Variants in PRKN observed in about 807,000 individuals in gnomAD.
PRKN encodes the protein E3 ubiquitin-protein ligase parkin.
In PRKN, 56 loss-of-function variants were observed where a neutral mutation model predicts 59.5. The ratio of observed to expected loss-of-function variants is 0.94; its 90% CI spans 0.76 to 1.18. PRKN has a LOEUF of 1.18. PRKN is among the 50% of genes most tolerant of loss of function. The pLI, the probability that PRKN is intolerant of heterozygous loss-of-function variation, is 0.00. For missense variants in PRKN, 657 were observed against 596.4 expected (o/e 1.10, Z -1.06); for synonymous variants, 250 against 222.1 (o/e 1.13, Z -1.12).
At chr6:161,563,765 G>C (rs909004832) in intron 8 of PRKN, among the ~76,000 whole-genome samples, 1 of 152,248 alleles carries the variant, frequency 6.6e-6, no homozygotes, top group East Asian at 1.9e-4. Flanking sequence ...TCTGCTGTGG[G>C]TCTCTGCCAT....
intron 2 of PRKN, among the ~76,000 whole-genome samples, chr6:162,292,910 G>C (rs1222960431): frequency 9.2e-5 from 14 of 152,130 alleles, no homozygotes; most frequent in Non-Finnish European, 1.5e-5. Flanking sequence ...AATACTGTAG[G>C]TATGGCCCCA....
At chr6:161,987,295 A>G (rs543082900) in intron 5 of PRKN, among the ~76,000 whole-genome samples, 1 of 152,236 alleles carries the variant, frequency 6.6e-6, no homozygotes, top group East Asian at 1.9e-4. Context: ...TTCTTTTAAC[A>G]TGCCAGTACA....
intron 6 of PRKN, among the ~76,000 whole-genome samples, chr6:161,966,037 A>T (rs918987133): frequency 6.6e-6 from 1 of 152,064 alleles, no homozygotes; most frequent in African/African-American, 2.4e-5. Context: ...CTATAAACAG[A>T]TGCAAATTTT....
intron 7 of PRKN, among the ~76,000 whole-genome samples, chr6:161,762,882 A>G (rs1427483783): frequency 2.6e-5 from 4 of 152,198 alleles, no homozygotes. Flanking sequence ...AACATTCTAG[A>G]AAGGATCTGA....
chr6:161,685,334 A>G (rs1443688753), intron 7 of PRKN, among the ~76,000 whole-genome samples: 4 of 152,220 alleles, frequency 2.6e-5, no homozygotes, highest in African/African-American at 9.6e-5. Context: ...GACCCATCGC[A>G]TGATTTCTCC....
At chr6:161,815,705 G>T (rs918047437) in intron 6 of PRKN, among the ~76,000 whole-genome samples, 15 of 152,316 alleles carry the variant, frequency 9.8e-5, no homozygotes, top group African/African-American at 3.6e-4. Context: ...GCCAGGCCCT[G>T]GTTCAGGGAG....
chr6:162,096,775 C>CT (rs36192490), intron 4 of PRKN, among the ~76,000 whole-genome samples: 72,401 of 143,108 alleles, frequency 0.51, 18,504 homozygotes, highest in East Asian at 0.75. Flanking sequence ...CATTTAACCT[C>CT]TTTTTTTTTT....
rs368404684 is a variant in PRKN at position 161,457,901 on chromosome 6, C to T, written c.1084-71024G>A. On this transcript the variant is annotated intron_variant, in intron 9 of 11. Transcript: ENST00000366898. This position sits in a 1 kb window ranked among gnomAD's most constrained non-coding sequence, Gnocchi z 5.0. ...CCTTTGTAGTTTTTTGGGAAAAGGACGCCAATAATCAAAAGACCTGCAGAA... is the reference window on the plus strand; with the variant it reads ...CCTTTGTAGTTTTTTGGGAAAAGGATGCCAATAATCAAAAGACCTGCAGAA... Among the ~76,000 whole-genome samples, 7 of 152,230 alleles carry T rather than the reference C, an allele frequency of 4.6e-5. No individual in the cohort carries two copies. The highest frequency in any genetic ancestry group is 2.1e-4 in the South Asian group (1 of 4,818).
intron 7 of PRKN, among the ~76,000 whole-genome samples, chr6:161,765,189 T>A (rs889584571): frequency 1.3e-5 from 2 of 152,334 alleles, no homozygotes; most frequent in Non-Finnish European, 1.5e-5. Context: ...TATAAACACA[T>A]CATATATTAC....
chr6:162,054,388 T>C (rs1047209996), intron 4 of PRKN, among the ~76,000 whole-genome samples: 2 of 152,212 alleles, frequency 1.3e-5, no homozygotes, highest in African/African-American at 2.4e-5. Flanking sequence ...AGACGATATT[T>C]GACATTTTGC....
At chr6:162,280,259 T>G (rs1000680894) in intron 2 of PRKN, among the ~76,000 whole-genome samples, 1 of 152,172 alleles carries the variant, frequency 6.6e-6, no homozygotes, top group Admixed American at 6.5e-5. Flanking sequence ...TTCTGGAAAC[T>G]GAACAACCTG....
chr6:161,958,526 ACT>A lies in PRKN; in HGVS notation c.734+14774_734+14775del, dbSNP rs1302228178. Among the ~76,000 whole-genome samples the A allele has an allele frequency of 8.5e-5, 13 of 152,186 alleles. No homozygotes were observed. In the South Asian group the frequency reaches 1.5e-3, roughly 17 times the overall value. On this transcript the variant is annotated intron_variant, in intron 6 of 11. Transcript: ENST00000366898. ...GTAAAAAATAATAATAATAATTAAAACTCTGTTTTTTCTTTGCAGTTGTTTTC... is the reference window on the plus strand; with the variant it reads ...GTAAAAAATAATAATAATAATTAAAACTGTTTTTTCTTTGCAGTTGTTTTC...
chr6:161,779,214 A>T (rs962808778), intron 7 of PRKN, among the ~76,000 whole-genome samples: 4 of 152,060 alleles, frequency 2.6e-5, no homozygotes, highest in Non-Finnish European at 5.9e-5. Flanking sequence ...TGCTGGGATT[A>T]TAGGCATGAG....
At chr6:162,553,981 G>A (rs1432746607) in intron 1 of PRKN, among the ~76,000 whole-genome samples, 6 of 152,118 alleles carry the variant, frequency 3.9e-5, no homozygotes, top group East Asian at 1.9e-4. Context: ...AGGGACTCCC[G>A]TGGAGGTTAA....
intron 7 of PRKN, among the ~76,000 whole-genome samples, chr6:161,614,911 C>T (rs1782630693): frequency 6.6e-6 from 1 of 152,014 alleles, no homozygotes; most frequent in Non-Finnish European, 1.5e-5. Context: ...TCCTTCCATC[C>T]CCCTTGGCAA....
chr6:162,215,444 T>A (rs906515857), intron 3 of PRKN, among the ~76,000 whole-genome samples: 2 of 152,190 alleles, frequency 1.3e-5, no homozygotes, highest in African/African-American at 2.4e-5. Context: ...TAAAATGACA[T>A]GCAATTTGAT....
chr6:161,868,760 T>G (rs958186812), intron 6 of PRKN, among the ~76,000 whole-genome samples: 1 of 152,142 alleles, frequency 6.6e-6, no homozygotes, highest in Non-Finnish European at 1.5e-5. Flanking sequence ...ATATAAATTA[T>G]ACATCAGATA....
At chr6:161,394,159 AT>A (rs71688699) in intron 9 of PRKN, among the ~76,000 whole-genome samples, 9,299 of 152,224 alleles carry the variant, frequency 0.061, 407 homozygotes, top group South Asian at 0.19. Context: ...TTAAAACACA[AT>A]TTTGAAAAGA....
At chr6:161,577,857 A>G (rs1036148462) in intron 7 of PRKN, among the ~76,000 whole-genome samples, 5 of 152,204 alleles carry the variant, frequency 3.3e-5, no homozygotes, top group African/African-American at 9.6e-5. Flanking sequence ...GGGAAGAATC[A>G]GTCTCATTGA....
Sources: gnomAD v4.1 joint callset for allele counts (sites outside exome capture counted in the v4.1 genomes callset) on GRCh38, gnomAD v4.1.1 for gene constraint, Gnocchi (gnomAD v3.1) non-coding constraint, MANE v1.5 for transcripts, NCBI Gene and HGNC (gene_info 2026-07-23, HGNC 2026-07-21) for gene names.